The following LENG8 variants were observed in gnomAD, a reference collection of about 807,000 sequenced individuals.
LENG8 encodes the protein leukocyte receptor cluster member 8.
Under a neutral mutation model 102.1 loss-of-function variants are expected in LENG8, and 28 were observed. The observed-to-expected ratio is 0.27, with a 90% CI of 0.20 to 0.38. The LOEUF (loss-of-function observed/expected upper bound fraction) is 0.38. Among genes scored for constraint, LENG8 ranks in the 10% least tolerant of loss-of-function variants. The pLI, the probability that LENG8 is intolerant of heterozygous loss-of-function variation, is 1.00. For missense variants in LENG8, 1,022 were observed against 1,113.9 expected, an observed-to-expected ratio of 0.92 and a Z score of 1.17; for synonymous variants, 531 against 456.7, an observed-to-expected ratio of 1.16 and a Z score of -2.07.
chr19:54,452,230 C>T lies in LENG8; in HGVS notation c.176C>T (p.Ala59Val), dbSNP rs1481326252. The T allele has an allele frequency of 6.2e-7, 1 of 1,613,616 alleles. No individual in the cohort carries two copies. The highest frequency in any genetic ancestry group is 1.3e-5 in the African/African-American group (1 of 75,042). The part of the protein sequence containing the change: ...ISKSGAAGGS[A>V]KSSSNGPVAS... The stretch of plus-strand genomic sequence containing the variant: ...AAGTCAGGAGCTGCCGGCGGCTCTG[C>T]CAAGTCCAGCAGCAATGGGCCTGTG... Residue 59 changes from alanine to valine, a missense_variant, in exon 3 of 16, where the codon GCC becomes GTC. Transcript: ENST00000326764.
intron 15 of LENG8, chr19:54,459,850 A>G: frequency 8.6e-7 from 1 of 1,161,862 alleles, no homozygotes; most frequent in Non-Finnish European, 1.1e-6. Context: ...AAGGGGAGGC[A>G]GGAGGCTGCT....
chr19:54,457,418 G>A (rs372797508), intron 11 of LENG8, among the ~76,000 whole-genome samples: 240 of 152,290 alleles, frequency 1.6e-3, no homozygotes, highest in Non-Finnish European at 2.4e-3. Flanking sequence ...TTGGCTCACC[G>A]CAGCCTCCGC....
chr19:54,460,772 C>T lies in LENG8; in HGVS notation c.2247C>T (p.Arg749=), dbSNP rs1384519476. The change falls in exon 16 of 16, where the codon CGC becomes CGT. Residue 749 remains arginine (R), a synonymous_variant. Coordinates refer to ENST00000326764, the MANE Select transcript of LENG8 (RefSeq NM_052925.4). ...VALKAMIKTF[R]PALPVSYLQA... ...TCTCCTCTTGTCTCCATAGCTTCCG[C>T]CCTGCGCTGCCAGTCTCCTACCTGC... 3.8e-6 allele frequency: 6 copies of T among 1,577,870 alleles called. No homozygotes were observed. The highest frequency in any genetic ancestry group is 1.8e-5 in the Admixed American group (1 of 55,108).
At chr19:54,459,707 G>T (rs1001926373) in intron 15 of LENG8, 36 of 1,028,866 alleles carry the variant, frequency 3.5e-5, no homozygotes, top group Non-Finnish European at 4.0e-5. Context: ...GAGGTTTGGA[G>T]ACTCATTCTG....
chr19:54,460,146 C>T (rs374128557), intron 15 of LENG8: 37 of 1,289,804 alleles, frequency 2.9e-5, no homozygotes, highest in African/African-American at 1.7e-4. Flanking sequence ...GGAGCAGAAG[C>T]GGGTTCTAGG....
At chr19:54,459,696 G>T (rs774010523) in intron 15 of LENG8, 30 of 1,026,124 alleles carry the variant, frequency 2.9e-5, no homozygotes, top group Admixed American at 5.2e-5. Flanking sequence ...CTGTCAGCCT[G>T]GAGGTTTGGA....
chr19:54,456,680 C>A lies in LENG8; in HGVS notation c.1490C>A (p.Ala497Glu). Reference sequence around the variant, plus strand: ...AAGCGCAGTCGAAAGAAGATGGCGGCGCTGGAGTGTGAGGACCCGGAGCGA... The same window carrying A: ...AAGCGCAGTCGAAAGAAGATGGCGGAGCTGGAGTGTGAGGACCCGGAGCGA... The part of the protein sequence containing the change: ...PTKRSRKKMA[A>E]LECEDPEREL... Residue 497 changes from alanine to glutamate, a missense_variant, in exon 11 of 16, where the codon GCG becomes GAG. This residue lies in a region of LENG8 where 326 missense variants were observed against 324.5 expected (regional missense o/e 1.00). Coordinates refer to ENST00000326764, the MANE Select transcript of LENG8 (RefSeq NM_052925.4). 1 of 1,613,158 alleles carries A rather than the reference C, an allele frequency of 6.2e-7. No individual in the cohort carries two copies. Among genetic ancestry groups the A allele is most frequent in the South Asian group, 1.1e-5 (1 of 90,926 alleles).
At chr19:54,460,591 C>CG (rs1413426763) in intron 15 of LENG8, 175 bp from the exon 16 acceptor site, 5 of 1,415,822 alleles carry the variant, frequency 3.5e-6, no homozygotes, top group Admixed American at 5.9e-5. Flanking sequence ...ACTAACCCCC[C>CG]CCGGGCCCCC....
chr19:54,455,364 C>T lies in LENG8; in HGVS notation c.822C>T (p.Ser274=), dbSNP rs551321580. The change falls in exon 8 of 16, where the codon AGC becomes AGT. Residue 274 remains serine (S), a splice_region_variant and synonymous_variant. Transcript: ENST00000326764. ...QPNPEKVQNH[S]GSSARGNLSG... is the part of the protein sequence containing the mutation. Reference sequence around the variant, plus strand: ...GAGCCCCTCATCTGTCCTCCCGCAGCGGGTCCTCTGCCCGGGGGAACCTGT... The same window carrying T: ...GAGCCCCTCATCTGTCCTCCCGCAGTGGGTCCTCTGCCCGGGGGAACCTGT... The T allele has an allele frequency of 1.3e-5, 21 of 1,614,004 alleles. No homozygotes were observed. Among genetic ancestry groups the T allele is most frequent in the East Asian group, 4.5e-5 (2 of 44,886 alleles).
Position 54,455,352 on chromosome 19 carries a change from G to C in LENG8, c.822-12G>C. 1.2e-6 allele frequency: 2 copies of C among 1,613,794 alleles called. No homozygotes were observed. Among genetic ancestry groups the C allele is most frequent in the South Asian group, 2.2e-5 (2 of 91,078 alleles). ...TCGTCTCCAGCTGAGCCCCTCATCT[G>C]TCCTCCCGCAGCGGGTCCTCTGCCC... On this transcript the variant is annotated splice_polypyrimidine_tract_variant and intron_variant, in intron 7 of 15. Transcript: ENST00000326764.
In LENG8 at chr19:54,456,013, G is replaced by A. The variant is rs1397985695; in HGVS notation, c.1072G>A (p.Glu358Lys). 1 of 1,613,128 alleles carries A rather than the reference G, an allele frequency of 6.2e-7. No individual in the cohort carries two copies. The highest frequency in any genetic ancestry group is 8.5e-7 in the Non-Finnish European group (1 of 1,179,736). The change falls in exon 9 of 16, where the codon GAG (glutamate) becomes AAG (lysine). Residue 358 changes from glutamate (E) to lysine (K), a missense_variant. By Grantham distance (56) the Glu-to-Lys change is moderately conservative. Coordinates refer to ENST00000326764, the MANE Select transcript of LENG8 (RefSeq NM_052925.4). ...VAESPKKKRW[E>K]AASSLHPPRG... ...TGAGAGCCCTAAGAAGAAGCGGTGG[G>A]AGGCCGCTAGCAGCCTTCACCCTCC...
At chr19:54,457,649 C>CT (rs1387428100) in intron 11 of LENG8, 98 bp from the exon 12 acceptor site, 3 of 888,348 alleles carry the variant, frequency 3.4e-6, no homozygotes, top group East Asian at 2.4e-5. Flanking sequence ...CCTTTTTTTT[C>CT]TTTTTTTAAT....
chr19:54,460,624 G>A, intron 15 of LENG8, 142 bp from the exon 16 acceptor site: 1 of 1,432,632 alleles, frequency 7.0e-7, no homozygotes, highest in Middle Eastern at 2.6e-4. Context: ...AGGTGGGGAG[G>A]CTGGGAGGCG....
At chr19:54,459,161 C>T (rs980468785) in intron 15 of LENG8, 37 of 1,239,228 alleles carry the variant, frequency 3.0e-5, no homozygotes, top group Middle Eastern at 3.2e-4. Context: ...GGTGCCCAGG[C>T]GACGCTGGGC....
intron 2 of LENG8, 56 bp downstream of exon 2, chr19:54,451,438 C>G (rs568615857): frequency 6.4e-7 from 1 of 1,569,200 alleles, no homozygotes; most frequent in East Asian, 2.2e-5. Context: ...AAGCAAGACC[C>G]AGTGCTGTCC....
At chr19:54,459,752 G>A in intron 15 of LENG8, 2 of 1,066,148 alleles carry the variant, frequency 1.9e-6, no homozygotes, top group Non-Finnish European at 1.1e-6. Flanking sequence ...TTCAGGGAGA[G>A]GCTGAGCCAG....
chr19:54,456,569 CA>C (rs774562169), intron 10 of LENG8, 66 bp from the exon 11 acceptor site: 201 of 1,543,654 alleles, frequency 1.3e-4, no homozygotes, highest in Non-Finnish European at 1.7e-4. Flanking sequence ...AGCCAGCTGC[CA>C]AAGGGGCGAG....
chr19:54,451,933 G>T (rs1175634815), intron 2 of LENG8, 160 bp from the exon 3 acceptor site: 2 of 604,988 alleles, frequency 3.3e-6, no homozygotes, highest in Non-Finnish European at 5.6e-6. Flanking sequence ...AGACTCTGAA[G>T]CAGAAACCCT....
chr19:54,452,834 T>G, intron 4 of LENG8, 82 bp downstream of exon 4: 1 of 948,880 alleles, frequency 1.1e-6, no homozygotes, highest in Non-Finnish European at 1.7e-6. Flanking sequence ...TCTGCCGGGA[T>G]GGGGCTGGGT....
Sources: gnomAD v4.1 joint callset for allele counts (sites outside exome capture counted in the v4.1 genomes callset) on GRCh38, gnomAD v4.1.1 for gene constraint, gnomAD v4.1.1 regional missense constraint, MANE v1.5 for transcripts, NCBI Gene and HGNC (gene_info 2026-07-23, HGNC 2026-07-21) for gene names.